The following STAG1 variants were observed in gnomAD, a reference collection of about 807,000 sequenced individuals.
STAG1 encodes STAG1 cohesin complex component.
In STAG1, 26 loss-of-function variants were observed where a neutral mutation model predicts 170.9. That is an observed-to-expected ratio of 0.15 (90% CI 0.11 to 0.21). STAG1 has a LOEUF of 0.21. Ranked by LOEUF, STAG1 falls within the 10% of genes least tolerant of loss-of-function variation. STAG1 has a pLI of 1.00. For synonymous variants in STAG1, 514 were observed against 497.7 expected, an observed-to-expected ratio of 1.03 and a Z score of -0.44; for missense variants, 964 against 1,509.5, an observed-to-expected ratio of 0.64 and a Z score of 5.99.
intron 1 of STAG1, among the ~76,000 whole-genome samples, chr3:136,714,752 A>T (rs1277579720): frequency 1.3e-5 from 2 of 149,950 alleles, no homozygotes; most frequent in Non-Finnish European, 3.0e-5. Flanking sequence ...ATAAATAAAT[A>T]AAATAAATTA....
At chr3:136,639,730 T>C (rs1940719994) in intron 1 of STAG1, among the ~76,000 whole-genome samples, 1 of 152,218 alleles carries the variant, frequency 6.6e-6, no homozygotes, top group African/African-American at 2.4e-5. Context: ...ACAGAAATCA[T>C]TTCAAGCGTT....
intron 3 of STAG1, among the ~76,000 whole-genome samples, chr3:136,618,245 T>G (rs2107825264): frequency 6.6e-6 from 1 of 152,276 alleles, no homozygotes; most frequent in Middle Eastern, 3.4e-3. Flanking sequence ...GTCACTCTCT[T>G]TAAATTAGCC....
At chr3:136,439,073 G>A (rs2088547131) in intron 15 of STAG1, among the ~76,000 whole-genome samples, 3 of 150,896 alleles carry the variant, frequency 2.0e-5, no homozygotes, top group South Asian at 2.1e-4. Context: ...GTGAGCGCCT[G>A]TAATCCCAGC....
At chr3:136,434,420 CTCCT>C (rs1304477228) in intron 15 of STAG1, among the ~76,000 whole-genome samples, 4 of 152,112 alleles carry the variant, frequency 2.6e-5, no homozygotes, top group African/African-American at 7.2e-5. Context: ...TATTATTTTG[CTCCT>C]TCCTATCTAC....
chr3:136,441,165 T>G (rs992947448), intron 15 of STAG1, among the ~76,000 whole-genome samples: 1 of 151,724 alleles, frequency 6.6e-6, no homozygotes, highest in Non-Finnish European at 1.5e-5. Flanking sequence ...CCCGAGTAGA[T>G]GGGATTACAA....
intron 1 of STAG1, among the ~76,000 whole-genome samples, chr3:136,664,123 T>A (rs1941674618): frequency 6.6e-6 from 1 of 152,194 alleles, no homozygotes; most frequent in African/African-American, 2.4e-5. Flanking sequence ...TCTAAAGTAT[T>A]CTTCAAACTA....
At chr3:136,691,811 G>C (rs551382645) in intron 1 of STAG1, among the ~76,000 whole-genome samples, 2 of 152,282 alleles carry the variant, frequency 1.3e-5, no homozygotes, top group Admixed American at 6.5e-5. Context: ...ACAGGGAAGA[G>C]GAACTAAGTA....
chr3:136,405,261 A>G (rs1290868771), intron 21 of STAG1, among the ~76,000 whole-genome samples: 1 of 73,948 alleles, frequency 1.4e-5, no homozygotes, highest in Admixed American at 2.1e-4. Flanking sequence ...TTTTTTTTTC[A>G]GACGAAGTCT....
chr3:136,643,566 C>A (rs148031383), intron 1 of STAG1, among the ~76,000 whole-genome samples: 1 of 152,194 alleles, frequency 6.6e-6, no homozygotes, highest in Non-Finnish European at 1.5e-5. Context: ...TGGAGTGCAA[C>A]AGCGCAATCT....
At chr3:136,680,447 AAG>A (rs1287409695) in intron 1 of STAG1, among the ~76,000 whole-genome samples, 3 of 152,070 alleles carry the variant, frequency 2.0e-5, no homozygotes, top group African/African-American at 2.4e-5. Context: ...TAGAGAGAAA[AAG>A]AGTAACATTT....
chr3:136,670,241 A>T (rs1941935104), intron 1 of STAG1, among the ~76,000 whole-genome samples: 1 of 152,228 alleles, frequency 6.6e-6, no homozygotes, highest in South Asian at 2.1e-4. Flanking sequence ...AGTTTCCAGT[A>T]TTCCCATTTA....
chr3:136,631,089 C>T, intron 1 of STAG1, 108 bp from the exon 2 acceptor site: 1 of 535,668 alleles, frequency 1.9e-6, no homozygotes, highest in South Asian at 3.6e-5. Flanking sequence ...TTGGCATTTA[C>T]CCAAATGAGC....
intron 4 of STAG1, among the ~76,000 whole-genome samples, chr3:136,588,787 G>A (rs967622251): frequency 6.6e-6 from 1 of 151,604 alleles, no homozygotes; most frequent in African/African-American, 2.4e-5. Context: ...TTGTGAGATG[G>A]GAGTCTCGCT....
chr3:136,563,928 CAGG>C (rs1936950699), intron 5 of STAG1, among the ~76,000 whole-genome samples: 1 of 152,006 alleles, frequency 6.6e-6, no homozygotes, highest in African/African-American at 2.4e-5. Flanking sequence ...GAGGCTGAGG[CAGG>C]AGAACTGCTT....
At chr3:136,635,825 G>A (rs1940528978) in intron 1 of STAG1, among the ~76,000 whole-genome samples, 1 of 152,190 alleles carries the variant, frequency 6.6e-6, no homozygotes, top group Admixed American at 6.5e-5. Context: ...TGCTGTAGAC[G>A]ATGAACAAAT....
intron 1 of STAG1, among the ~76,000 whole-genome samples, chr3:136,715,506 A>C (rs1332555732): frequency 1.3e-5 from 2 of 152,036 alleles, no homozygotes; most frequent in African/African-American, 4.8e-5. Context: ...TGTAGTGCCA[A>C]CTACTTAGGA....
intron 7 of STAG1, among the ~76,000 whole-genome samples, chr3:136,510,036 T>C (rs768801954): frequency 6.6e-6 from 1 of 152,254 alleles, no homozygotes; most frequent in Non-Finnish European, 1.5e-5. Flanking sequence ...AATCCATTTA[T>C]CTCTTAAAAA....
chr3:136,617,274 G>C (rs926091935), intron 3 of STAG1, among the ~76,000 whole-genome samples: 5 of 152,340 alleles, frequency 3.3e-5, no homozygotes, highest in African/African-American at 7.2e-5. Context: ...GAAATTGAGA[G>C]GCCCTTCCTC....
chr3:136,550,790 C>T (rs1936350292), intron 5 of STAG1, among the ~76,000 whole-genome samples: 1 of 149,048 alleles, frequency 6.7e-6, no homozygotes, highest in Non-Finnish European at 1.5e-5. Flanking sequence ...TCACACTTTA[C>T]TTGTTTTTGA....
Sources: gnomAD v4.1 joint callset for allele counts (sites outside exome capture counted in the v4.1 genomes callset) on GRCh38, gnomAD v4.1.1 for gene constraint, MANE v1.5 for transcripts, NCBI Gene and HGNC (gene_info 2026-07-23, HGNC 2026-07-21) for gene names.